The following FAM133A variants were observed in gnomAD, a reference collection of about 807,000 sequenced individuals.
FAM133A encodes the protein protein FAM133A.
For missense variants in FAM133A, 159 were observed against 164.4 expected (o/e 0.97, Z 0.18); for synonymous variants, 65 against 58.6 (o/e 1.11, Z -0.50).
intron 2 of FAM133A, among the ~76,000 whole-genome samples, chrX:93,687,545 T>C (rs896083330): frequency 8.9e-6 from 1 of 111,915 alleles, no homozygotes; most frequent in Non-Finnish European, 1.9e-5. Context: ...ATAATGGTTA[T>C]ACATATTTAC....
chrX:93,684,965 T>C (rs1328840445), intron 2 of FAM133A, among the ~76,000 whole-genome samples: 1 of 111,687 alleles, frequency 9.0e-6, no homozygotes, highest in East Asian at 2.8e-4. Flanking sequence ...ATGTAAATTG[T>C]ACAATTTTTA....
intron 2 of FAM133A, among the ~76,000 whole-genome samples, chrX:93,684,620 G>A (rs1232682492): frequency 2.7e-5 from 3 of 111,975 alleles, no homozygotes; most frequent in Non-Finnish European, 5.6e-5. Flanking sequence ...TTCTGTGCAT[G>A]TGTGTTTGTT....
chrX:93,702,838 A>T (rs1259346417), intron 3 of FAM133A, among the ~76,000 whole-genome samples: 1 of 4,371 alleles, frequency 2.3e-4, no homozygotes, highest in Non-Finnish European at 3.7e-4. Context: ...TAGCTATGAT[A>T]AAAAAAAAAA....
At chrX:93,680,018 C>T (rs1392257795) in intron 2 of FAM133A, among the ~76,000 whole-genome samples, 2 of 99,022 alleles carry the variant, frequency 2.0e-5, no homozygotes, top group Non-Finnish European at 2.0e-5. Flanking sequence ...ATCTCGTGAT[C>T]CGCCCACATT....
chrX:93,695,799 G>A lies in FAM133A; in HGVS notation c.-192-2598G>A, dbSNP rs781295618. Among the ~76,000 whole-genome samples the A allele has an allele frequency of 4.6e-5, 5 of 108,108 alleles. No individual in the cohort carries two copies. In the South Asian group the frequency reaches 2.1e-3, roughly 45 times the overall value. The allele number at this position is 108,108 out of a possible 115,157, so 93.9% of individuals were successfully genotyped here. On this transcript the variant is annotated intron_variant, in intron 2 of 3. Coordinates refer to ENST00000683942, the MANE Select transcript of FAM133A (RefSeq NM_001171109.2). ...TGGGACTATAGGCGCCCGCCACCAC[G>A]CCTGGCTAATTTTTTATTGTATTTT...
intron 2 of FAM133A, among the ~76,000 whole-genome samples, chrX:93,690,160 G>A (rs1925796045): frequency 1.8e-5 from 2 of 111,126 alleles, no homozygotes; most frequent in Admixed American, 9.6e-5. Flanking sequence ...AGCTAAGTAA[G>A]GACTTAAGAA....
chrX:93,684,980 G>A (rs1166201173), intron 2 of FAM133A, among the ~76,000 whole-genome samples: 1 of 111,392 alleles, frequency 9.0e-6, no homozygotes, highest in African/African-American at 3.3e-5. Flanking sequence ...TTTTTAAAGA[G>A]CTTATGCTTT....
chrX:93,709,981 A>G lies in FAM133A; in HGVS notation c.562A>G (p.Lys188Glu), dbSNP rs1168822623. 1 of 1,193,768 alleles carries G rather than the reference A, an allele frequency of 8.4e-7. No individual in the cohort carries two copies. Among genetic ancestry groups the G allele is most frequent in the Non-Finnish European group, 1.1e-6 (1 of 889,686 alleles). ...AAGAAAGAAAAGTTACCCTGATGAT[A>G]AACCTTTATCATCTGAGTCCTCATC... is the stretch of plus-strand genomic sequence containing the variant. The part of the protein sequence containing the change: ...KKRKKSYPDD[K>E]PLSSESSSES... The change falls in exon 4 of 4, where the codon AAA (lysine) becomes GAA (glutamate). Residue 188 changes from lysine (K) to glutamate (E), a missense_variant. Lys to Glu is a moderately conservative substitution (Grantham distance 56). Coordinates refer to ENST00000683942, the MANE Select transcript of FAM133A (RefSeq NM_001171109.2).
chrX:93,703,635 A>G (rs1469694037), intron 3 of FAM133A, among the ~76,000 whole-genome samples: 2 of 112,597 alleles, frequency 1.8e-5, no homozygotes, highest in Non-Finnish European at 3.8e-5. Flanking sequence ...GTTTTTCTGA[A>G]TACAAAATTC....
chrX:93,701,965 G>T (rs1926733256), intron 3 of FAM133A, among the ~76,000 whole-genome samples: 1 of 111,480 alleles, frequency 9.0e-6, no homozygotes, highest in Admixed American at 9.6e-5. Context: ...TACTACTTGA[G>T]AAATAAATGG....
chrX:93,684,797 G>A (rs1602796919), intron 2 of FAM133A, among the ~76,000 whole-genome samples: 1 of 111,708 alleles, frequency 9.0e-6, no homozygotes, highest in East Asian at 2.8e-4. Context: ...ACACAATAAT[G>A]AATAACATTG....
At chrX:93,692,955 A>G (rs1925985633) in intron 2 of FAM133A, among the ~76,000 whole-genome samples, 1 of 111,682 alleles carries the variant, frequency 9.0e-6, no homozygotes, top group South Asian at 3.7e-4. Context: ...CAGAAAAGTC[A>G]GGGATTAAAG....
intron 3 of FAM133A, among the ~76,000 whole-genome samples, chrX:93,708,719 C>T (rs1927212560): frequency 8.9e-6 from 1 of 112,134 alleles, no homozygotes. Flanking sequence ...TAAACACTTA[C>T]TAGGTACTAG....
chrX:93,708,383 T>A (rs1242990474), intron 3 of FAM133A, among the ~76,000 whole-genome samples: 1 of 112,056 alleles, frequency 8.9e-6, no homozygotes, highest in Non-Finnish European at 1.9e-5. Context: ...TGGAGTTTTT[T>A]AAGATCCCTC....
chrX:93,685,426 T>C (rs1424983339), intron 2 of FAM133A, among the ~76,000 whole-genome samples: 2 of 111,661 alleles, frequency 1.8e-5, no homozygotes, highest in African/African-American at 6.5e-5. Context: ...ATAAAATCAC[T>C]AGGGAGATTG....
chrX:93,702,503 T>C (rs1363337740), intron 3 of FAM133A, among the ~76,000 whole-genome samples: 3 of 111,024 alleles, frequency 2.7e-5, no homozygotes, highest in Non-Finnish European at 5.7e-5. Flanking sequence ...AATAAGTGAC[T>C]TAATACATGG....
At chrX:93,680,023 C>G (rs1184567098) in intron 2 of FAM133A, among the ~76,000 whole-genome samples, 1 of 100,502 alleles carries the variant, frequency 1.0e-5, no homozygotes, top group Non-Finnish European at 2.0e-5. Flanking sequence ...GTGATCCGCC[C>G]ACATTGGTCT....
At chrX:93,675,408 T>G (rs1260487401) in intron 2 of FAM133A, among the ~76,000 whole-genome samples, 2 of 111,943 alleles carry the variant, frequency 1.8e-5, no homozygotes, top group African/African-American at 6.5e-5. Context: ...GACATCTTAT[T>G]TTTAAGTAAG....
intron 2 of FAM133A, among the ~76,000 whole-genome samples, chrX:93,692,194 A>T (rs146894550): frequency 1.8e-5 from 2 of 111,709 alleles, no homozygotes; most frequent in Non-Finnish European, 3.8e-5. Flanking sequence ...AAATGCTCCA[A>T]TGAATATTTC....
Sources: allele counts gnomAD v4.1 joint callset (sites outside exome capture counted in the v4.1 genomes callset), GRCh38; gene constraint gnomAD v4.1.1; transcripts MANE v1.5; gene names NCBI Gene and HGNC (gene_info 2026-07-23, HGNC 2026-07-21).